The following SYT1 variants were observed in gnomAD, a reference collection of about 807,000 sequenced individuals.
SYT1 encodes synaptotagmin-1.
SYT1 carries 8 observed loss-of-function variants against 44.8 expected under a neutral mutation model. The ratio of observed to expected loss-of-function variants is 0.18; its 90% CI spans 0.10 to 0.32. The LOEUF (loss-of-function observed/expected upper bound fraction) is 0.32. Ranked by LOEUF, SYT1 falls within the 10% of genes least tolerant of loss-of-function variation. The pLI, the probability that SYT1 is intolerant of heterozygous loss-of-function variation, is 1.00. For synonymous variants in SYT1, 154 were observed against 188.8 expected (o/e 0.82, Z 1.51); for missense variants, 286 against 509.3 (o/e 0.56, Z 4.22).
At chr12:79,049,904 A>C (rs1234413800) in intron 3 of SYT1, among the ~76,000 whole-genome samples, 4 of 152,048 alleles carry the variant, frequency 2.6e-5, no homozygotes, top group Non-Finnish European at 5.9e-5. Flanking sequence ...TATTGCTTAC[A>C]AAAGGTTTTT....
intron 2 of SYT1, among the ~76,000 whole-genome samples, chr12:79,005,010 A>C (rs2137545288): frequency 6.6e-6 from 1 of 152,148 alleles, no homozygotes. Flanking sequence ...TAACTTGAAA[A>C]CCATAATAGA....
At chr12:79,348,075 G>A (rs1882685117) in intron 8 of SYT1, among the ~76,000 whole-genome samples, 1 of 152,144 alleles carries the variant, frequency 6.6e-6, no homozygotes, top group Non-Finnish European at 1.5e-5. Context: ...AACAGTGGTA[G>A]GATACGAAGG....
intron 1 of SYT1, among the ~76,000 whole-genome samples, chr12:78,928,509 C>G (rs2137189860): frequency 6.6e-6 from 1 of 152,118 alleles, no homozygotes; most frequent in South Asian, 2.1e-4. Flanking sequence ...TTCACTTTTT[C>G]CCTTAAAGGA....
At chr12:79,251,680 C>T (rs1447396594) in intron 4 of SYT1, among the ~76,000 whole-genome samples, 1 of 152,178 alleles carries the variant, frequency 6.6e-6, no homozygotes, top group Non-Finnish European at 1.5e-5. Flanking sequence ...TACTTGCTTC[C>T]TTCCATGGAC....
chr12:79,090,825 G>A (rs950728631), intron 3 of SYT1, among the ~76,000 whole-genome samples: 1 of 151,952 alleles, frequency 6.6e-6, no homozygotes, highest in African/African-American at 2.4e-5. Context: ...AACAAAGGCT[G>A]TTGTTTCATT....
At chr12:79,421,981 C>T (rs1869150325) in intron 9 of SYT1, among the ~76,000 whole-genome samples, 2 of 152,094 alleles carry the variant, frequency 1.3e-5, no homozygotes, top group African/African-American at 4.8e-5. Flanking sequence ...ACATCAATTT[C>T]CTCATGTTAA....
intron 9 of SYT1, among the ~76,000 whole-genome samples, chr12:79,374,338 G>A (rs1219238074): frequency 6.6e-6 from 1 of 152,108 alleles, no homozygotes; most frequent in Non-Finnish European, 1.5e-5. Context: ...AAGTCGGCCA[G>A]CAAATACATT....
At position 79,068,875 on chromosome 12, in the gene SYT1, C is replaced by T. The variant is rs528512676; in HGVS notation, c.-18+21513C>T. Among the ~76,000 whole-genome samples the T allele has an allele frequency of 3.9e-5, 6 of 152,206 alleles. No homozygotes were observed. The East Asian group carries it at 5.8e-4, about 15-fold the overall frequency. ...AAAATTTTGATATTTCTTTAACTTC[C>T]TTCTCATTTCTTCCTAATGTCCTTT... On this transcript the variant is annotated intron_variant, in intron 3 of 10. Transcript: ENST00000261205.
intron 4 of SYT1, among the ~76,000 whole-genome samples, chr12:79,243,648 T>G (rs1223998663): frequency 6.6e-6 from 1 of 152,154 alleles, no homozygotes; most frequent in Non-Finnish European, 1.5e-5. Context: ...GAGTTGTCAC[T>G]TTAAAGATAG....
At chr12:79,223,662 T>C (rs1875309051) in intron 4 of SYT1, among the ~76,000 whole-genome samples, 1 of 152,006 alleles carries the variant, frequency 6.6e-6, no homozygotes, top group Non-Finnish European at 1.5e-5. Context: ...CTGCTGAGGG[T>C]GACCTGAAGC....
At chr12:79,246,394 C>T (rs1349667596) in intron 4 of SYT1, among the ~76,000 whole-genome samples, 1 of 152,006 alleles carries the variant, frequency 6.6e-6, no homozygotes, top group Non-Finnish European at 1.5e-5. Flanking sequence ...TGGATTTCCA[C>T]TTTTTTTTAA....
intron 3 of SYT1, among the ~76,000 whole-genome samples, chr12:79,187,687 A>G (rs1872882756): frequency 6.6e-6 from 1 of 152,132 alleles, no homozygotes; most frequent in African/African-American, 2.4e-5. Context: ...TAGCTTTATC[A>G]CTATTCCAGT....
chr12:79,146,061 CAT>C (rs1869891773), intron 3 of SYT1, among the ~76,000 whole-genome samples: 1 of 152,128 alleles, frequency 6.6e-6, no homozygotes, highest in Admixed American at 6.5e-5. Flanking sequence ...CCGGCCTAAA[CAT>C]AGTGTTTTAA....
chr12:79,395,587 A>G (rs1246605793), intron 9 of SYT1, among the ~76,000 whole-genome samples: 6 of 151,954 alleles, frequency 3.9e-5, no homozygotes, highest in Non-Finnish European at 7.4e-5. Context: ...TCATCTCACT[A>G]TGTTGCTCAG....
intron 3 of SYT1, among the ~76,000 whole-genome samples, chr12:79,126,398 T>C (rs11112880): frequency 0.11 from 17,246 of 152,176 alleles, 1,039 homozygotes; most frequent in African/African-American, 0.13. Flanking sequence ...GTAGCTGGGA[T>C]TGCAGGCATG....
chr12:78,956,161 G>C (rs1879205421), intron 1 of SYT1, among the ~76,000 whole-genome samples: 1 of 151,988 alleles, frequency 6.6e-6, no homozygotes, highest in Non-Finnish European at 1.5e-5. Flanking sequence ...AGTAATAATG[G>C]AGTACCAACA....
intron 4 of SYT1, among the ~76,000 whole-genome samples, chr12:79,276,694 C>G (rs567916244): frequency 1.3e-5 from 2 of 149,550 alleles, no homozygotes; most frequent in African/African-American, 2.5e-5. Flanking sequence ...AACAAAAAAA[C>G]CAGAACTTCT....
rs201324137 is a variant in SYT1, at chr12:79,181,870, TTTA to T, written c.-17-35630_-17-35628del. On this transcript the variant is annotated intron_variant, in intron 3 of 10. Transcript: ENST00000261205. ...TCTATCATCCCTTTTCCAGAACATCTTTATTTTCACTCTTTTTTCTCTTTCTCC... is the reference window on the plus strand; with the variant it reads ...TCTATCATCCCTTTTCCAGAACATCTTTTTCACTCTTTTTTCTCTTTCTCC... 1.3e-3 allele frequency among the ~76,000 whole-genome samples: 191 copies of T among 152,192 alleles called. 4 individuals carry two copies. In the East Asian group the frequency reaches 0.03, roughly 24 times the overall value.
At chr12:78,898,964 G>A (rs1257761876) in intron 1 of SYT1, among the ~76,000 whole-genome samples, 1 of 151,972 alleles carries the variant, frequency 6.6e-6, no homozygotes, top group Non-Finnish European at 1.5e-5. Context: ...TGACCTGTTG[G>A]TTTTGAGATA....
Sources: allele counts gnomAD v4.1 joint callset (sites outside exome capture counted in the v4.1 genomes callset), GRCh38; gene constraint gnomAD v4.1.1; transcripts MANE v1.5; gene names NCBI Gene and HGNC (gene_info 2026-07-23, HGNC 2026-07-21).